RBL2: variants seen among roughly 807,000 people sequenced by gnomAD.
RBL2 encodes the protein retinoblastoma-like protein 2.
Under a neutral mutation model 126.0 loss-of-function variants are expected in RBL2, and 56 were observed. The observed-to-expected ratio is 0.44, with a 90% CI of 0.36 to 0.56. The LOEUF (loss-of-function observed/expected upper bound fraction) is 0.56. RBL2 is among the 20% of genes least tolerant of loss of function. RBL2 has a pLI of 0.00. For synonymous variants in RBL2, 454 were observed against 478.5 expected, an observed-to-expected ratio of 0.95 and a Z score of 0.67; for missense variants, 1,229 against 1,398.2, an observed-to-expected ratio of 0.88 and a Z score of 1.93.
chr16:53,490,158 G>A lies in RBL2; in HGVS notation c.3278G>A (p.Arg1093His), dbSNP rs17853303. ...KRLREINSMI[R>H]TGETPTKKRG... ...CTGAGAGAAATTAATAGTATGATAC[G>A]CACAGGAGAAACTCCTACTAAAAAG... Residue 1093 changes from arginine (R) to histidine (H), a missense_variant, in exon 22 of 22, where the codon CGC becomes CAC. Around this residue, in one of 2 missense-constraint regions of RBL2, gnomAD observed 1,070 missense variants for 1,274.3 expected, o/e 0.84. Coordinates refer to ENST00000262133, the MANE Select transcript of RBL2 (RefSeq NM_005611.4). 1.4e-5 allele frequency: 22 copies of A among 1,606,884 alleles called. No individual in the cohort carries two copies. Among genetic ancestry groups the A allele is most frequent in the South Asian group, 1.0e-4 (9 of 89,896 alleles).
chr16:53,440,526 T>TA (rs1035321865), intron 2 of RBL2, among the ~76,000 whole-genome samples: 2 of 152,144 alleles, frequency 1.3e-5, no homozygotes, highest in African/African-American at 4.8e-5. Context: ...CTGTCACTAA[T>TA]AAAGACTTTC....
rs78499962 is a variant in RBL2, at chr16:53,483,995, T to A, written c.3249+2160T>A. 1.5e-3 allele frequency among the ~76,000 whole-genome samples: 220 copies of A among 149,276 alleles called. 2 individuals are homozygous for A. The East Asian group carries it at 0.031, about 21-fold the overall frequency. On this transcript the variant is annotated intron_variant, in intron 21 of 21. Transcript: ENST00000262133. ...ATGAATTTATAAAACTTATGAAAAC[T>A]GGAATAAATGAAGACATACCAGCGA...
At chr16:53,446,326 C>T (rs2058061710) in intron 3 of RBL2, among the ~76,000 whole-genome samples, 1 of 100,116 alleles carries the variant, frequency 1.0e-5, no homozygotes, top group Non-Finnish European at 1.9e-5. Context: ...ATGACTAAGG[C>T]CCAGGTGAGC....
At position 53,491,437 on chromosome 16, in the gene RBL2, T is replaced by TTAATAATCTTATTAGGGA. The variant is rs1340208342; in HGVS notation, c.*1138_*1155dup. 1 of 152,428 alleles carries TTAATAATCTTATTAGGGA rather than the reference T, an allele frequency of 6.6e-6. No individual in the cohort carries two copies. The highest frequency in any genetic ancestry group is 1.5e-5 in the Non-Finnish European group (1 of 68,014). 9.4% of individuals were successfully genotyped at this position (152,428 alleles called of 1,614,324 possible). On this transcript the variant is annotated 3_prime_UTR_variant, in exon 22 of 22. Coordinates refer to ENST00000262133, the MANE Select transcript of RBL2 (RefSeq NM_005611.4). Reference sequence around the variant, plus strand: ...TTGTTCCAGCAGTTTTCAAGTCAAATTAATAATCTTATTAGGGAGAAAATT... The same window carrying TTAATAATCTTATTAGGGA: ...TTGTTCCAGCAGTTTTCAAGTCAAATTAATAATCTTATTAGGGATAATAATCTTATTAGGGAGAAAATT...
chr16:53,490,040 A>G, intron 21 of RBL2, 90 bp from the exon 22 acceptor site: 2 of 1,034,124 alleles, frequency 1.9e-6, no homozygotes, highest in Non-Finnish European at 2.7e-6. Context: ...CTTCCAGGGT[A>G]AACTGCTTAA....
At chr16:53,456,894 C>T (rs531522218) in intron 8 of RBL2, among the ~76,000 whole-genome samples, 1 of 152,060 alleles carries the variant, frequency 6.6e-6, no homozygotes, top group Non-Finnish European at 1.5e-5. Flanking sequence ...TGTTTCTCTT[C>T]GTATTTATCA....
chr16:53,489,842 A>T (rs1026994030), intron 21 of RBL2: 1 of 247,396 alleles, frequency 4.0e-6, no homozygotes, highest in African/African-American at 2.2e-5. Context: ...AAAAATCACA[A>T]ATTTGTGAAC....
chr16:53,453,698 A>C lies in RBL2; in HGVS notation c.928-7A>C. Reference sequence around the variant, plus strand: ...TGACGACTTAAGGATCTCTTCTTTCATCATAGCTCCTTAAGGGAAAAGAAG... The same window carrying C: ...TGACGACTTAAGGATCTCTTCTTTCCTCATAGCTCCTTAAGGGAAAAGAAG... On this transcript the variant is annotated splice_polypyrimidine_tract_variant and splice_region_variant and intron_variant, in intron 6 of 21. Coordinates refer to ENST00000262133, the MANE Select transcript of RBL2 (RefSeq NM_005611.4). 1 of 1,607,950 alleles carries C rather than the reference A, an allele frequency of 6.2e-7. No homozygotes were observed. The highest frequency in any genetic ancestry group is 8.5e-7 in the Non-Finnish European group (1 of 1,177,988).
chr16:53,439,954 CAAA>C (rs10591959), intron 2 of RBL2, among the ~76,000 whole-genome samples: 4 of 91,938 alleles, frequency 4.4e-5, no homozygotes, highest in Non-Finnish European at 8.5e-5. Context: ...ACCTTGTCTC[CAAA>C]AAAAAAAAAA....
intron 17 of RBL2, among the ~76,000 whole-genome samples, chr16:53,475,553 G>A (rs896219219): frequency 6.6e-6 from 1 of 151,864 alleles, no homozygotes; most frequent in Non-Finnish European, 1.5e-5. Context: ...TTTGTTCTTG[G>A]TCTAGCTAAA....
At position 53,447,114 on chromosome 16, in the gene RBL2, A is replaced by G. The variant is rs2058069715; in HGVS notation, c.637+8A>G. On this transcript the variant is annotated splice_region_variant and intron_variant, in intron 4 of 21. Transcript: ENST00000262133. The stretch of plus-strand genomic sequence containing the variant: ...TTTTTATATATGCAAAAGGTAAGAA[A>G]ATAGTAATATTTATTTAGATTTAAT... 2 of 1,392,946 alleles carry G rather than the reference A, an allele frequency of 1.4e-6. No individual in the cohort carries two copies. The highest frequency in any genetic ancestry group is 2.9e-5 in the African/African-American group (2 of 69,520). The allele number at this position is 1,392,946 out of a possible 1,614,324, so 86.3% of individuals were successfully genotyped here. A position where few individuals can be genotyped will look rare whatever the true frequency, so the allele number is the denominator to read the frequency against.
Position 53,481,725 on chromosome 16 carries a change from C to T in RBL2, c.3139C>T (p.Arg1047Ter), listed in dbSNP as rs781142746. The stretch of plus-strand genomic sequence containing the variant: ...ATTTGTAAGAACAGGCTCCCCTCGC[C>T]GAATACAGTTGTCTCAAAATCATCC... ...YPFVRTGSPR[R>*]IQLSQNHPVY... Residue 1047 changes from arginine (R) to a stop codon, truncating the protein, a stop_gained, in exon 21 of 22, where the codon CGA becomes TGA. Coordinates refer to ENST00000262133, the MANE Select transcript of RBL2 (RefSeq NM_005611.4). LOFTEE classifies it high-confidence loss of function. 4 of 1,609,852 alleles carry T rather than the reference C, an allele frequency of 2.5e-6. No homozygotes were observed. Among genetic ancestry groups the T allele is most frequent in the Non-Finnish European group, 3.4e-6 (4 of 1,176,386 alleles).
rs562564111 is a variant in RBL2 at position 53,452,408 on chromosome 16, TAAA to T, written c.766+578_766+580del. On this transcript the variant is annotated intron_variant, in intron 5 of 21. Transcript: ENST00000262133. ...TTAAAAAGTATGTATAGAGTTAAAA[TAAA>T]TATTGCTGCTGCTATTTGAGTAATA... Among the ~76,000 whole-genome samples the T allele has an allele frequency of 5.4e-4, 83 of 152,332 alleles. 1 individual carries two copies. The highest frequency in any genetic ancestry group is 6.8e-3 in the Middle Eastern group (2 of 294).
At chr16:53,474,350 C>T (rs1960640769) in intron 17 of RBL2, among the ~76,000 whole-genome samples, 1 of 150,502 alleles carries the variant, frequency 6.6e-6, no homozygotes, top group Admixed American at 6.6e-5. Flanking sequence ...GAATTTCGCT[C>T]TTGTTGCCCA....
At chr16:53,464,799 C>CT (rs892373952) in intron 12 of RBL2, 589 of 145,852 alleles carry the variant, frequency 4.0e-3, no homozygotes, top group Middle Eastern at 0.01. Flanking sequence ...GTAGCTAGTT[C>CT]TTTTTTTTTT....
chr16:53,434,790 G>T lies in RBL2; in HGVS notation c.234G>T (p.Thr78=), dbSNP rs1316520614. 2.0e-6 allele frequency: 3 copies of T among 1,495,274 alleles called. No individual in the cohort carries two copies. Among genetic ancestry groups the T allele is most frequent in the African/African-American group, 2.8e-5 (2 of 70,460 alleles). 92.6% of individuals were successfully genotyped at this position (1,495,274 alleles called of 1,614,324 possible). A position where few individuals can be genotyped will look rare whatever the true frequency, so the allele number is the denominator to read the frequency against. The stretch of plus-strand genomic sequence containing the variant: ...ACCGCAGCATGAGCGAAAGCTACAC[G>T]CTGGAGGTGCGCTCGCGGGCGGAGG... ...DSYRSMSESY[T]LEGNDLHWLA... The change falls in exon 1 of 22, where the codon ACG becomes ACT. Residue 78 remains threonine (T), a synonymous_variant. Transcript: ENST00000262133.
Position 53,459,441 on chromosome 16 carries a change from T to G in RBL2, c.1180-10T>G. Reference sequence around the variant, plus strand: ...GTTTATTAATTCTGTGTAATTTTTTTTTTCTTTAGTCCAAAGCACTTAGAA... The same window carrying G: ...GTTTATTAATTCTGTGTAATTTTTTGTTTCTTTAGTCCAAAGCACTTAGAA... On this transcript the variant is annotated splice_polypyrimidine_tract_variant and intron_variant, in intron 8 of 21. Transcript: ENST00000262133. The G allele has an allele frequency of 6.2e-7, 1 of 1,603,926 alleles. No homozygotes were observed. The highest frequency in any genetic ancestry group is 8.5e-7 in the Non-Finnish European group (1 of 1,174,624).
Position 53,467,119 on chromosome 16 carries a change from C to G in RBL2, c.1925C>G (p.Thr642Ser). The G allele has an allele frequency of 6.2e-7, 1 of 1,614,092 alleles. No individual in the cohort carries two copies. The change falls in exon 14 of 22, where the codon ACT becomes AGT. Residue 642 changes from threonine (T) to serine (S), a missense_variant. This residue lies in a region of RBL2 where 1,070 missense variants were observed against 1,274.3 expected (regional missense o/e 0.84). Transcript: ENST00000262133. ...ATTTGCATTGCTGGCTCCCCTTTGA[C>G]TCCCAGAAGGGTGACTGAAGTTCGT... is the stretch of plus-strand genomic sequence containing the variant. Reference protein sequence around the residue: ...DEICIAGSPLTPRRVTEVRAD... With the variant: ...DEICIAGSPLSPRRVTEVRAD...
At chr16:53,469,619 G>T (rs561559556) in intron 14 of RBL2, among the ~76,000 whole-genome samples, 2 of 152,260 alleles carry the variant, frequency 1.3e-5, no homozygotes, top group East Asian at 3.9e-4. Flanking sequence ...AAATCATGAA[G>T]GTTCTTTAGT....
Sources: gnomAD v4.1 joint callset for allele counts (sites outside exome capture counted in the v4.1 genomes callset) on GRCh38, gnomAD v4.1.1 for gene constraint, gnomAD v4.1.1 regional missense constraint, MANE v1.5 for transcripts, NCBI Gene and HGNC (gene_info 2026-07-23, HGNC 2026-07-21) for gene names.